Variants in GOLM2 observed in about 807,000 individuals in gnomAD.
GOLM2 encodes protein GOLM2.
In GOLM2, 26 loss-of-function variants were observed where a neutral mutation model predicts 55.9. The observed-to-expected ratio is 0.47, with a 90% CI of 0.34 to 0.65. The LOEUF is 0.65. Among genes scored for constraint, GOLM2 ranks in the 30% least tolerant of loss-of-function variants. The probability of loss-of-function intolerance (pLI) is 0.01; values close to 1 mark genes in which losing one functional copy is unlikely to be tolerated. For synonymous variants in GOLM2, 165 were observed against 194.6 expected, an observed-to-expected ratio of 0.85 and a Z score of 1.27; for missense variants, 486 against 531.8, an observed-to-expected ratio of 0.91 and a Z score of 0.85.
chr15:44,343,192 G>A (rs1418176201), intron 6 of GOLM2, among the ~76,000 whole-genome samples: 1 of 151,880 alleles, frequency 6.6e-6, no homozygotes, highest in African/African-American at 2.4e-5. Flanking sequence ...AATTAGCTGG[G>A]TGTGGTGGTG....
At chr15:44,361,170 A>C (rs993255785) in intron 6 of GOLM2, among the ~76,000 whole-genome samples, 13 of 151,704 alleles carry the variant, frequency 8.6e-5, no homozygotes, top group African/African-American at 1.9e-4. Context: ...AAACACATTC[A>C]AAAGCTAGCA....
chr15:44,316,762 A>G (rs1001918461), intron 1 of GOLM2, among the ~76,000 whole-genome samples: 1 of 151,860 alleles, frequency 6.6e-6, no homozygotes, highest in African/African-American at 2.4e-5. Flanking sequence ...CTCAAAAAAA[A>G]AAAAAACAAA....
chr15:44,356,695 A>G (rs975635547), intron 6 of GOLM2, among the ~76,000 whole-genome samples: 3 of 152,236 alleles, frequency 2.0e-5, no homozygotes, highest in African/African-American at 7.2e-5. Context: ...AGCAGAGGGA[A>G]TACTTCCTAA....
chr15:44,375,603 C>A (rs1296985246), intron 6 of GOLM2, among the ~76,000 whole-genome samples: 8 of 151,890 alleles, frequency 5.3e-5, no homozygotes, highest in Non-Finnish European at 8.8e-5. Context: ...CATAGTGAGA[C>A]CTCCTCTCTA....
At chr15:44,392,820 G>T (rs760855815) in intron 8 of GOLM2, among the ~76,000 whole-genome samples, 6 of 152,196 alleles carry the variant, frequency 3.9e-5, no homozygotes, top group Non-Finnish European at 5.9e-5. Flanking sequence ...GTGAGCATTT[G>T]AGGAAATTCA....
intron 8 of GOLM2, among the ~76,000 whole-genome samples, chr15:44,389,513 G>A (rs1215984917): frequency 6.6e-6 from 1 of 152,144 alleles, no homozygotes; most frequent in Non-Finnish European, 1.5e-5. Flanking sequence ...AGACAACAGA[G>A]TGAGACCCTG....
intron 8 of GOLM2, among the ~76,000 whole-genome samples, chr15:44,389,118 G>A (rs1303431143): frequency 6.6e-6 from 1 of 152,090 alleles, no homozygotes; most frequent in African/African-American, 2.4e-5. Context: ...CGTCCAGCTT[G>A]AAAATTCATT....
At chr15:44,402,080 T>A (rs1595668685) in intron 8 of GOLM2, among the ~76,000 whole-genome samples, 1 of 152,252 alleles carries the variant, frequency 6.6e-6, no homozygotes, top group South Asian at 2.1e-4. Flanking sequence ...TCTGCCCACC[T>A]CGGCCTCCCA....
chr15:44,379,808 T>A lies in GOLM2; in HGVS notation c.901+20T>A. On this transcript the variant is annotated intron_variant, in intron 7 of 9. Coordinates refer to ENST00000299957, the MANE Select transcript of GOLM2 (RefSeq NM_138423.4). The stretch of plus-strand genomic sequence containing the variant: ...CTCCAGGTATGAAGGCTTATGCTTA[T>A]AATTCCATTTGAAACCAACTTACTA... 1 of 1,466,340 alleles carries A rather than the reference T, an allele frequency of 6.8e-7. No individual in the cohort carries two copies. 90.8% of individuals were successfully genotyped at this position (1,466,340 alleles called of 1,614,324 possible). A position where few individuals can be genotyped will look rare whatever the true frequency, so the allele number is the denominator to read the frequency against.
chr15:44,298,323 G>A (rs2078772494), intron 1 of GOLM2, among the ~76,000 whole-genome samples: 1 of 146,710 alleles, frequency 6.8e-6, no homozygotes, highest in South Asian at 2.2e-4. Flanking sequence ...GAGTGCAATG[G>A]CGCGATCTCA....
At chr15:44,302,615 C>T (rs1456474374) in intron 1 of GOLM2, among the ~76,000 whole-genome samples, 1 of 151,968 alleles carries the variant, frequency 6.6e-6, no homozygotes, top group African/African-American at 2.4e-5. Flanking sequence ...CTCAGCCTCC[C>T]AGGTAGCTGG....
At chr15:44,390,047 T>C (rs1380621454) in intron 8 of GOLM2, 2 of 152,200 alleles carry the variant, frequency 1.3e-5, no homozygotes, top group Non-Finnish European at 1.5e-5. Context: ...ATCATACTTA[T>C]ATTGATATAT....
intron 6 of GOLM2, among the ~76,000 whole-genome samples, chr15:44,357,701 G>A (rs2079207083): frequency 6.6e-6 from 1 of 152,138 alleles, no homozygotes; most frequent in South Asian, 2.1e-4. Flanking sequence ...TTATAGAAAG[G>A]TTGCAGGATA....
chr15:44,314,283 G>A (rs575840738), intron 1 of GOLM2, among the ~76,000 whole-genome samples: 9 of 151,936 alleles, frequency 5.9e-5, no homozygotes, highest in African/African-American at 2.2e-4. Context: ...GGTAGGCCGG[G>A]TGCGGTGGCT....
At chr15:44,335,346 C>T (rs2079049650) in intron 4 of GOLM2, among the ~76,000 whole-genome samples, 1 of 152,250 alleles carries the variant, frequency 6.6e-6, no homozygotes, top group East Asian at 1.9e-4. Context: ...ACAAACATTA[C>T]ATCTAGAAAA....
intron 1 of GOLM2, among the ~76,000 whole-genome samples, chr15:44,315,372 A>C (rs1238471506): frequency 2.0e-5 from 3 of 152,360 alleles, no homozygotes; most frequent in Non-Finnish European, 4.4e-5. Flanking sequence ...AAAGGAAAGC[A>C]GGCACAGCTG....
chr15:44,332,695 T>A (rs79764652), intron 4 of GOLM2, among the ~76,000 whole-genome samples: 1 of 152,188 alleles, frequency 6.6e-6, no homozygotes, highest in African/African-American at 2.4e-5. Context: ...TCCTTTTTTA[T>A]ACATTTGAGA....
chr15:44,353,643 A>G (rs566452006), intron 6 of GOLM2, among the ~76,000 whole-genome samples: 14 of 152,320 alleles, frequency 9.2e-5, no homozygotes, highest in Admixed American at 8.5e-4. Context: ...GGATGGAACT[A>G]TGGTCATTAT....
chr15:44,304,383 A>G (rs1035534087), intron 1 of GOLM2, among the ~76,000 whole-genome samples: 21 of 148,902 alleles, frequency 1.4e-4, no homozygotes, highest in African/African-American at 5.2e-4. Context: ...CTGGGATTAC[A>G]GGCGCCCACC....
Sources: gnomAD v4.1 joint callset for allele counts (sites outside exome capture counted in the v4.1 genomes callset) on GRCh38, gnomAD v4.1.1 for gene constraint, MANE v1.5 for transcripts, NCBI Gene and HGNC (gene_info 2026-07-23, HGNC 2026-07-21) for gene names.